The following KAZN variants were observed in gnomAD, a reference collection of about 807,000 sequenced individuals.
The protein encoded by KAZN is kazrin.
KAZN carries 40 observed loss-of-function variants against 87.4 expected under a neutral mutation model. That is an observed-to-expected ratio of 0.46 (90% CI 0.36 to 0.60). KAZN has a LOEUF of 0.60. Ranked by LOEUF, KAZN falls within the 20% of genes least tolerant of loss-of-function variation. The pLI is 0.00. For synonymous variants in KAZN, 466 were observed against 458.3 expected (o/e 1.02, Z -0.22); for missense variants, 898 against 1,073.9 (o/e 0.84, Z 2.29).
At chr1:14,484,423 CG>C (rs1313342756) in intron 2 of KAZN, among the ~76,000 whole-genome samples, 2 of 152,130 alleles carry the variant, frequency 1.3e-5, no homozygotes, top group Non-Finnish European at 2.9e-5. Context: ...ACAATATATT[CG>C]TGTTTCAAAA....
At chr1:14,088,908 T>C (rs891239796) in intron 1 of KAZN, among the ~76,000 whole-genome samples, 23 of 151,808 alleles carry the variant, frequency 1.5e-4, no homozygotes, top group African/African-American at 5.3e-4. Context: ...CAGATAATAT[T>C]CTCTGTTCTA....
intron 2 of KAZN, among the ~76,000 whole-genome samples, chr1:14,459,256 TGC>T (rs1553175296): frequency 0.029 from 4,333 of 151,060 alleles, 95 homozygotes; most frequent in Middle Eastern, 0.065. Context: ...ATGGTGTGTG[TGC>T]GCGTGTGTGT....
intron 1 of KAZN, among the ~76,000 whole-genome samples, chr1:14,685,814 A>C (rs1572220989): frequency 6.6e-6 from 1 of 152,218 alleles, no homozygotes; most frequent in South Asian, 2.1e-4. Flanking sequence ...ACTTTAGAGA[A>C]TCCCCAGCTG....
At chr1:14,238,716 C>T (rs1343019285) in intron 2 of KAZN, among the ~76,000 whole-genome samples, 1 of 152,228 alleles carries the variant, frequency 6.6e-6, no homozygotes, top group Admixed American at 6.5e-5. Context: ...TGAGCTGCTC[C>T]GGAGGGGTGT....
Position 14,949,572 on chromosome 1 carries a change from C to A in KAZN, c.227-11112C>A, listed in dbSNP as rs1463892298. ...GTGTTTTTCGAGATTCACATTCCTC[C>A]TGGTGCCAGAAGCACCTGCCAAGTG... is the stretch of plus-strand genomic sequence containing the variant. On this transcript the variant is annotated intron_variant, in intron 1 of 14. Transcript: ENST00000376030. The surrounding 1 kb of genome is among the most constrained non-coding windows in gnomAD (Gnocchi z 4.3). Among the ~76,000 whole-genome samples the A allele has an allele frequency of 1.3e-5, 2 of 152,242 alleles. No homozygotes were observed. The highest frequency in any genetic ancestry group is 4.8e-5 in the African/African-American group (2 of 41,460).
At chr1:14,809,455 A>T (rs1439384667) in intron 1 of KAZN, among the ~76,000 whole-genome samples, 1 of 152,206 alleles carries the variant, frequency 6.6e-6, no homozygotes, top group East Asian at 1.9e-4. Context: ...GTTGGTACCA[A>T]CATCACTTCC....
At chr1:14,583,072 C>T (rs1207669212) in intron 2 of KAZN, among the ~76,000 whole-genome samples, 1 of 152,218 alleles carries the variant, frequency 6.6e-6, no homozygotes, top group Non-Finnish European at 1.5e-5. Flanking sequence ...TATCAACTCA[C>T]TTAATCTTCA....
chr1:14,951,224 C>T (rs1459667243), intron 1 of KAZN, among the ~76,000 whole-genome samples: 1 of 151,822 alleles, frequency 6.6e-6, no homozygotes, highest in Non-Finnish European at 1.5e-5. Flanking sequence ...CGAGGAGGTG[C>T]CCTAGTCCAC....
At position 13,952,639 on chromosome 1, in the gene KAZN, T is replaced by C. The variant is rs531937835; in HGVS notation, c.91+58883T>C. ...AGCAGCAAGCTGGGGCAGGGTCTTC[T>C]GGGAACTGTTATAAACCCCCGATCG... On this transcript the variant is annotated intron_variant, in intron 1 of 16. Transcript: ENST00000636203. Among the ~76,000 whole-genome samples the C allele has an allele frequency of 1.4e-4, 12 of 83,478 alleles. No individual in the cohort carries two copies. In the South Asian group the frequency reaches 8.3e-3, roughly 58 times the overall value. The allele number at this position is 83,478 out of a possible 152,430, so 54.8% of individuals were successfully genotyped here.
chr1:14,698,515 T>C (rs1239419575), intron 1 of KAZN, among the ~76,000 whole-genome samples: 2 of 152,198 alleles, frequency 1.3e-5, no homozygotes. Context: ...GCCCCTCCCA[T>C]GTGGGCCTTC....
At chr1:14,897,738 T>G (rs1034619956) in intron 1 of KAZN, among the ~76,000 whole-genome samples, 3 of 152,314 alleles carry the variant, frequency 2.0e-5, no homozygotes, top group East Asian at 3.9e-4. Flanking sequence ...ATCTGGCCGT[T>G]GTGATATGTT....
At chr1:15,003,148 C>T (rs1454282149) in intron 2 of KAZN, among the ~76,000 whole-genome samples, 4 of 152,108 alleles carry the variant, frequency 2.6e-5, no homozygotes, top group Admixed American at 2.0e-4. Flanking sequence ...ACTTGGGTTA[C>T]GTGGCACTCG....
chr1:14,958,848 G>C (rs1663496567), intron 1 of KAZN, among the ~76,000 whole-genome samples: 2 of 152,210 alleles, frequency 1.3e-5, no homozygotes, highest in African/African-American at 4.8e-5. Flanking sequence ...GGGGAGGGGA[G>C]GGGAGGAGTC....
intron 2 of KAZN, among the ~76,000 whole-genome samples, chr1:14,490,592 A>G (rs1669595093): frequency 6.6e-6 from 1 of 152,126 alleles, no homozygotes; most frequent in Admixed American, 6.5e-5. Flanking sequence ...TCCCAGGTTC[A>G]AGCAATTCTC....
At chr1:14,958,511 G>A (rs891139232) in intron 1 of KAZN, among the ~76,000 whole-genome samples, 2 of 152,110 alleles carry the variant, frequency 1.3e-5, no homozygotes, top group Non-Finnish European at 2.9e-5. Flanking sequence ...TATGAGGAGG[G>A]GCACTTCCAA....
intron 1 of KAZN, among the ~76,000 whole-genome samples, chr1:14,713,775 CAAAAAAAAAA>C (rs58947119): frequency 2.1e-5 from 2 of 94,606 alleles, no homozygotes; most frequent in African/African-American, 4.7e-5. Flanking sequence ...CTCATCTCTA[CAAAAAAAAAA>C]AAAAAAAAAA....
intron 2 of KAZN, among the ~76,000 whole-genome samples, chr1:14,440,180 A>G (rs560626996): frequency 6.6e-6 from 1 of 152,346 alleles, no homozygotes; most frequent in East Asian, 1.9e-4. Context: ...GCCACAAAGA[A>G]GGTACTCTGT....
chr1:13,895,699 G>A (rs1349300334), intron 1 of KAZN, among the ~76,000 whole-genome samples: 2 of 152,108 alleles, frequency 1.3e-5, no homozygotes, highest in African/African-American at 2.4e-5. Context: ...AAAATGATTC[G>A]CAGACTCTAG....
intron 1 of KAZN, among the ~76,000 whole-genome samples, chr1:13,902,419 C>T (rs1639283778): frequency 6.6e-6 from 1 of 152,190 alleles, no homozygotes; most frequent in Non-Finnish European, 1.5e-5. Flanking sequence ...AGTCAGCCGG[C>T]TTAACTTCAT....
Sources: allele counts gnomAD v4.1 joint callset (sites outside exome capture counted in the v4.1 genomes callset), GRCh38; gene constraint gnomAD v4.1.1; non-coding constraint Gnocchi (gnomAD v3.1); transcripts MANE v1.5; gene names NCBI Gene and HGNC (gene_info 2026-07-23, HGNC 2026-07-21).